Variants in PPIE observed in about 807,000 individuals in gnomAD.
PPIE encodes peptidyl-prolyl cis-trans isomerase E.
In PPIE, 20 loss-of-function variants were observed where a neutral mutation model predicts 38.4. The observed-to-expected ratio is 0.52, with a 90% CI of 0.37 to 0.76. The LOEUF is 0.76. PPIE is among the 30% of genes least tolerant of loss of function. The pLI is 0.00. For missense variants in PPIE, 322 were observed against 385.8 expected, an observed-to-expected ratio of 0.83 and a Z score of 1.39; for synonymous variants, 142 against 135.7, an observed-to-expected ratio of 1.05 and a Z score of -0.32.
Position 39,753,457 on chromosome 1 carries a change from A to G in PPIE, c.*102A>G, listed in dbSNP as rs2124371307. ...AGCACCGAGGGTGCCTGTTTGAAGC[A>G]AGCAGCATTTGGGATATGTGCCCTT... On this transcript the variant is annotated 3_prime_UTR_variant, in exon 10 of 10. Coordinates refer to ENST00000324379, the MANE Select transcript of PPIE (RefSeq NM_006112.4). 6.5e-7 allele frequency: 1 copy of G among 1,540,020 alleles called. No individual in the cohort carries two copies. The highest frequency in any genetic ancestry group is 8.7e-7 in the Non-Finnish European group (1 of 1,144,822).
chr1:39,763,716 C>T lies in PPIE; in HGVS notation c.865C>T (p.Gln289Ter). Residue 289 changes from glutamine to a stop codon, truncating the protein, a stop_gained, in exon 10 of 10, where the codon CAG (glutamine) becomes TAG (stop). Transcript: ENST00000356511. LOFTEE classifies it high-confidence loss of function. Reference sequence around the variant, plus strand: ...ACAAGAAGAGTCAGCAATTACCAGCCAGCCGAGGTCCTGGAAGCTGACGTA... The same window carrying T: ...ACAAGAAGAGTCAGCAATTACCAGCTAGCCGAGGTCCTGGAAGCTGACGTA... 4 of 1,600,058 alleles carry T rather than the reference C, an allele frequency of 2.5e-6. No homozygotes were observed. The highest frequency in any genetic ancestry group is 3.4e-6 in the Non-Finnish European group (4 of 1,173,100).
chr1:39,751,541 G>A (rs1321571590), intron 8 of PPIE, among the ~76,000 whole-genome samples: 2 of 152,048 alleles, frequency 1.3e-5, no homozygotes, highest in Admixed American at 6.5e-5. Context: ...TAAGTTTTTT[G>A]TAGAGACAGG....
At chr1:39,739,312 G>A in intron 1 of PPIE, 1 of 213,246 alleles carries the variant, frequency 4.7e-6, no homozygotes, top group East Asian at 1.0e-4. Context: ...ACCCGAGACG[G>A]AATGATTATT....
In PPIE at chr1:39,753,854, G is replaced by A. The variant is rs142466995; in HGVS notation, c.*499G>A. On this transcript the variant is annotated 3_prime_UTR_variant, in exon 10 of 10. Transcript: ENST00000324379. ...CCGATCCCCTTAGATGTCAGGTGATGTATCTTCACACCAGGCATCGATGTC... is the reference window on the plus strand; with the variant it reads ...CCGATCCCCTTAGATGTCAGGTGATATATCTTCACACCAGGCATCGATGTC... 768 of 986,256 alleles carry A rather than the reference G, an allele frequency of 7.8e-4. 10 individuals are homozygous for A. In the African/African-American group the frequency reaches 0.012, roughly 16 times the overall value. 61.1% of individuals were successfully genotyped at this position (986,256 alleles called of 1,614,324 possible).
downstream of PPIE, chr1:39,757,032 T>C (rs1308221070): frequency 6.6e-6 from 1 of 152,208 alleles, no homozygotes; most frequent in East Asian, 1.9e-4. Context: ...TCCCATTGTC[T>C]GGGAACACAG....
Position 39,753,663 on chromosome 1 carries a change from T to C in PPIE, c.*308T>C. On this transcript the variant is annotated 3_prime_UTR_variant, in exon 10 of 10. Transcript: ENST00000324379. ...CTCCTGGGACTACCAGTGTGGCTCT[T>C]ACGTGTTTTCTTTGCTAAAATAAAC... 8.4e-7 allele frequency: 1 copy of C among 1,190,002 alleles called. No homozygotes were observed. The highest frequency in any genetic ancestry group is 1.0e-6 in the Non-Finnish European group (1 of 959,074). 73.7% of individuals were successfully genotyped at this position (1,190,002 alleles called of 1,614,324 possible).
chr1:39,756,242 G>A lies in PPIE; in HGVS notation c.*2887G>A. 13 of 985,474 alleles carry A rather than the reference G, an allele frequency of 1.3e-5. No individual in the cohort carries two copies. The highest frequency in any genetic ancestry group is 1.6e-5 in the Non-Finnish European group (13 of 829,936). The allele number at this position is 985,474 out of a possible 1,614,324, so 61.0% of individuals were successfully genotyped here. On this transcript the variant is annotated 3_prime_UTR_variant, in exon 10 of 10. Coordinates refer to ENST00000324379, the MANE Select transcript of PPIE (RefSeq NM_006112.4). ...GGCGTCCTTTCCTGCAGCCTGGAGA[G>A]CAAAGCGGCTTTCCCTGGGACTGTG...
chr1:39,749,034 A>G lies in PPIE; in HGVS notation c.640A>G (p.Ile214Val), dbSNP rs779462215. The G allele has an allele frequency of 5.6e-6, 9 of 1,610,564 alleles. No homozygotes were observed. Among genetic ancestry groups the G allele is most frequent in the Non-Finnish European group, 5.9e-6 (7 of 1,179,090 alleles). ...TNHNGTGGKS[I>V]YGKKFDDENF... Reference sequence around the variant, plus strand: ...CCACAATGGCACTGGGGGCAAGTCCATCTATGGGAAGAAGTTCGATGATGA... The same window carrying G: ...CCACAATGGCACTGGGGGCAAGTCCGTCTATGGGAAGAAGTTCGATGATGA... The change falls in exon 8 of 10, where the codon ATC (isoleucine) becomes GTC (valine). Residue 214 changes from isoleucine (I) to valine (V), a missense_variant. Coordinates refer to ENST00000324379, the MANE Select transcript of PPIE (RefSeq NM_006112.4).
At chr1:39,763,617 T>C in intron 9 of PPIE, 3 of 1,427,822 alleles carry the variant, frequency 2.1e-6, no homozygotes, top group Non-Finnish European at 2.8e-6. Context: ...CATAAGAAAA[T>C]TGAAGTCACC....
chr1:39,741,991 C>G (rs775379840), intron 4 of PPIE, 70 bp downstream of exon 4: 1 of 1,546,410 alleles, frequency 6.5e-7, no homozygotes, highest in Non-Finnish European at 8.9e-7. Flanking sequence ...ATTCATATAT[C>G]AGTGTTCTGG....
At chr1:39,742,777 G>A (rs1647094820) in intron 4 of PPIE, 1 of 152,764 alleles carries the variant, frequency 6.5e-6, no homozygotes, top group Non-Finnish European at 1.5e-5. Flanking sequence ...ACCACTTCAA[G>A]TGGAGTCACC....
At chr1:39,742,085 G>A (rs567724452) in intron 4 of PPIE, 164 bp downstream of exon 4, 4 of 688,904 alleles carry the variant, frequency 5.8e-6, no homozygotes, top group Admixed American at 2.9e-5. Context: ...TATAAAATTA[G>A]TTCTTACTCA....
intron 6 of PPIE, 40 bp downstream of exon 6, chr1:39,743,964 C>T (rs1647128867): frequency 6.8e-7 from 1 of 1,479,034 alleles, no homozygotes; most frequent in East Asian, 2.3e-5. Flanking sequence ...CAGGCCGGCG[C>T]TGTCCACAGG....
intron 7 of PPIE, chr1:39,747,159 A>G (rs766771014): frequency 1.3e-5 from 2 of 152,188 alleles, no homozygotes; most frequent in African/African-American, 2.4e-5. Flanking sequence ...TGGCTGAATA[A>G]TATTCCGTTG....
At chr1:39,751,658 C>A (rs1053562379) in intron 8 of PPIE, among the ~76,000 whole-genome samples, 2 of 152,222 alleles carry the variant, frequency 1.3e-5, no homozygotes, top group Non-Finnish European at 2.9e-5. Context: ...CTGCGCCCAG[C>A]CTCTAGCAGG....
In PPIE at chr1:39,753,538, G is replaced by A. The variant is rs1176362805; in HGVS notation, c.*183G>A. On this transcript the variant is annotated 3_prime_UTR_variant, in exon 10 of 10. Coordinates refer to ENST00000324379, the MANE Select transcript of PPIE (RefSeq NM_006112.4). ...CAGGCACAGCCTGGACTATTCCCAGGCACAGCTGTGGGCCCAGGAGCCAGC... is the reference window on the plus strand; with the variant it reads ...CAGGCACAGCCTGGACTATTCCCAGACACAGCTGTGGGCCCAGGAGCCAGC... The A allele has an allele frequency of 2.8e-6, 4 of 1,407,212 alleles. No homozygotes were observed. The East Asian group carries it at 1.1e-4, about 37-fold the overall frequency. The allele number at this position is 1,407,212 out of a possible 1,614,324, so 87.2% of individuals were successfully genotyped here. A position where few individuals can be genotyped will look rare whatever the true frequency, so the allele number is the denominator to read the frequency against.
At chr1:39,739,016 A>G in intron 1 of PPIE, 85 bp downstream of exon 1, 1 of 1,332,178 alleles carries the variant, frequency 7.5e-7, no homozygotes, top group South Asian at 2.1e-5. Flanking sequence ...TCTCTGAACC[A>G]GGAGGACGGC....
At chr1:39,763,209 G>A (rs1649261994) in intron 9 of PPIE, 2 of 1,606,434 alleles carry the variant, frequency 1.2e-6, no homozygotes, top group Non-Finnish European at 1.7e-6. Flanking sequence ...AGTCCTGGGG[G>A]GCAAGGGAGA....
intron 8 of PPIE, among the ~76,000 whole-genome samples, chr1:39,749,290 G>A (rs1244310664): frequency 6.6e-6 from 1 of 152,056 alleles, no homozygotes; most frequent in Non-Finnish European, 1.5e-5. Context: ...TCCCCCAACC[G>A]TGTCCACAAT....
Sources: gnomAD v4.1 joint callset for allele counts (sites outside exome capture counted in the v4.1 genomes callset) on GRCh38, gnomAD v4.1.1 for gene constraint, MANE v1.5 for transcripts, NCBI Gene and HGNC (gene_info 2026-07-23, HGNC 2026-07-21) for gene names.